SLC26A5: variants seen among roughly 807,000 people sequenced by gnomAD.
SLC26A5 encodes the protein solute carrier family 26 member 5.
A neutral mutation model predicts 81.0 loss-of-function variants in SLC26A5; 51 were observed. The observed-to-expected ratio is 0.63, with a 90% CI of 0.50 to 0.80. The LOEUF is 0.80. SLC26A5 is among the 30% of genes least tolerant of loss of function. The pLI, the probability that SLC26A5 is intolerant of heterozygous loss-of-function variation, is 0.00. For missense variants in SLC26A5, 771 were observed against 905.8 expected (o/e 0.85, Z 1.91); for synonymous variants, 325 against 332.8 (o/e 0.98, Z 0.25).
rs181725196 is a variant in SLC26A5, at chr7:103,436,011, T to C, written c.-54+7072A>G. Among the ~76,000 whole-genome samples the C allele has an allele frequency of 2.9e-4, 44 of 152,310 alleles. No individual in the cohort carries two copies. In the East Asian group the frequency reaches 6.7e-3, roughly 23 times the overall value. ...ATAAAACACATTTTAATATAAAATA[T>C]ATAGGTGTATGGAGAAAGTTTTGAA... On this transcript the variant is annotated intron_variant, in intron 2 of 19. Coordinates refer to ENST00000306312, the MANE Select transcript of SLC26A5 (RefSeq NM_198999.3).
chr7:103,419,234 T>G (rs1006751221), intron 4 of SLC26A5, among the ~76,000 whole-genome samples: 1 of 152,170 alleles, frequency 6.6e-6, no homozygotes, highest in Non-Finnish European at 1.5e-5. Context: ...GTTAGCACTG[T>G]GAGAAGACTT....
chr7:103,413,779 A>G (rs1305096585), intron 4 of SLC26A5, among the ~76,000 whole-genome samples: 1 of 152,124 alleles, frequency 6.6e-6, no homozygotes, highest in East Asian at 1.9e-4. Flanking sequence ...GGCAGTTCAC[A>G]TCATCCTTTA....
At chr7:103,401,768 G>T (rs1443556889) in intron 8 of SLC26A5, among the ~76,000 whole-genome samples, 1 of 152,166 alleles carries the variant, frequency 6.6e-6, no homozygotes, top group Non-Finnish European at 1.5e-5. Context: ...AGCTTGAAGG[G>T]CTGTTGAATT....
At chr7:103,359,652 T>A (rs10249921) in intron 19 of SLC26A5, among the ~76,000 whole-genome samples, 9,173 of 152,310 alleles carry the variant, frequency 0.06, 402 homozygotes, top group African/African-American at 0.12. Flanking sequence ...TGGAACTTTT[T>A]ATGGCCAAAT....
chr7:103,391,781 A>G (rs767173552), intron 10 of SLC26A5, 46 bp from the exon 11 acceptor site: 17 of 1,482,618 alleles, frequency 1.1e-5, no homozygotes, highest in Admixed American at 3.6e-5. Flanking sequence ...GTCATTCTTC[A>G]GGAAAAAAAA....
chr7:103,377,548 T>TA (rs758894809), intron 18 of SLC26A5, 51 bp downstream of exon 18: 27 of 1,518,398 alleles, frequency 1.8e-5, no homozygotes, highest in Non-Finnish European at 2.3e-5. Context: ...ATGCTGATAG[T>TA]ACGACACCAG....
chr7:103,393,165 C>T, intron 9 of SLC26A5, 99 bp from the exon 10 acceptor site: 2 of 1,400,756 alleles, frequency 1.4e-6, no homozygotes, highest in Non-Finnish European at 2.0e-6. Context: ...GCATTATCTG[C>T]AAATGAAGTA....
At chr7:103,396,581 G>C (rs1194307225) in intron 9 of SLC26A5, among the ~76,000 whole-genome samples, 1 of 152,132 alleles carries the variant, frequency 6.6e-6, no homozygotes, top group Non-Finnish European at 1.5e-5. Flanking sequence ...GTCACGAAAA[G>C]ACAAATGCTG....
intron 19 of SLC26A5, among the ~76,000 whole-genome samples, chr7:103,357,864 T>G (rs555391470): frequency 6.2e-4 from 94 of 152,360 alleles, no homozygotes; most frequent in African/African-American, 2.0e-3. Flanking sequence ...GCATTAGATC[T>G]GTTCGTTTTC....
At chr7:103,368,221 A>C (rs1359339317) in intron 19 of SLC26A5, 1 of 661,902 alleles carries the variant, frequency 1.5e-6, no homozygotes, top group Non-Finnish European at 2.4e-6. Flanking sequence ...TAGGCAGAAA[A>C]GCTTGTTAGA....
intron 15 of SLC26A5, 114 bp downstream of exon 15, chr7:103,380,366 C>T (rs1158532731): frequency 2.5e-6 from 2 of 812,018 alleles, no homozygotes; most frequent in South Asian, 1.5e-5. Context: ...AGACTTTTCA[C>T]TTTGACCACT....
intron 14 of SLC26A5, 141 bp from the exon 15 acceptor site, chr7:103,380,690 G>A (rs778950793): frequency 3.8e-5 from 28 of 735,900 alleles, no homozygotes; most frequent in Non-Finnish European, 6.5e-5. Flanking sequence ...TTTGCAGAAG[G>A]GCTCCACACA....
At chr7:103,421,259 AT>A in intron 3 of SLC26A5, 103 bp downstream of exon 3, 3 of 1,318,700 alleles carry the variant, frequency 2.3e-6, no homozygotes, top group Non-Finnish European at 2.1e-6. Flanking sequence ...CTCAGCATTC[AT>A]TTTTCTCTCC....
chr7:103,435,905 T>C (rs1187255311), intron 2 of SLC26A5, among the ~76,000 whole-genome samples: 6 of 152,226 alleles, frequency 3.9e-5, no homozygotes, highest in Non-Finnish European at 7.3e-5. Context: ...AAGCAAGTAC[T>C]TATGCTTGGC....
chr7:103,378,642 C>G, intron 16 of SLC26A5, 89 bp from the exon 17 acceptor site: 1 of 1,169,496 alleles, frequency 8.6e-7, no homozygotes, highest in Non-Finnish European at 1.3e-6. Flanking sequence ...CCCCATTTAA[C>G]TGCTTTCTGG....
intron 19 of SLC26A5, chr7:103,354,013 GT>G: frequency 1.5e-6 from 2 of 1,364,862 alleles, no homozygotes; most frequent in Non-Finnish European, 2.0e-6. Context: ...AATAAAAACT[GT>G]TTTGGTATTG....
chr7:103,441,156 G>T (rs536812408), intron 2 of SLC26A5, among the ~76,000 whole-genome samples: 1 of 152,268 alleles, frequency 6.6e-6, no homozygotes, highest in East Asian at 1.9e-4. Context: ...CCTGGTAACC[G>T]ACGTGCCTCT....
chr7:103,375,101 C>A (rs983222461), intron 19 of SLC26A5, among the ~76,000 whole-genome samples: 1 of 145,556 alleles, frequency 6.9e-6, no homozygotes, highest in Admixed American at 6.9e-5. Flanking sequence ...CATATATATA[C>A]ATATATATAT....
chr7:103,421,639 T>C, intron 2 of SLC26A5, 72 bp from the exon 3 acceptor site: 1 of 1,039,478 alleles, frequency 9.6e-7, no homozygotes, highest in South Asian at 1.3e-5. Context: ...GCATCTCTTC[T>C]TTGTGGTGTT....
Sources: gnomAD v4.1 joint callset for allele counts (sites outside exome capture counted in the v4.1 genomes callset) on GRCh38, gnomAD v4.1.1 for gene constraint, MANE v1.5 for transcripts, NCBI Gene and HGNC (gene_info 2026-07-23, HGNC 2026-07-21) for gene names.